Variants in SLC8A1 observed in about 807,000 individuals in gnomAD.
The protein encoded by SLC8A1 is sodium/calcium exchanger 1.
In SLC8A1, 18 loss-of-function variants were observed where a neutral mutation model predicts 68.3. The observed-to-expected ratio is 0.26, with a 90% CI of 0.18 to 0.39. The LOEUF is 0.39. Ranked by LOEUF, SLC8A1 falls within the 10% of genes least tolerant of loss-of-function variation. The pLI is 1.00. For missense variants in SLC8A1, 985 were observed against 1,156.7 expected (o/e 0.85, Z 2.15); for synonymous variants, 475 against 415.5 (o/e 1.14, Z -1.74).
chr2:40,380,837 A>T (rs990382834), intron 2 of SLC8A1, among the ~76,000 whole-genome samples: 11 of 152,126 alleles, frequency 7.2e-5, no homozygotes, highest in African/African-American at 2.7e-4. Flanking sequence ...GAGGGTTACC[A>T]GGTGTCCTAC....
intron 2 of SLC8A1, among the ~76,000 whole-genome samples, chr2:40,247,453 T>G (rs1574655771): frequency 9.5e-6 from 1 of 105,456 alleles, no homozygotes; most frequent in Non-Finnish European, 1.9e-5. Context: ...TGTGTGTGTG[T>G]GTGGAGAGAG....
intron 2 of SLC8A1, among the ~76,000 whole-genome samples, chr2:40,191,848 C>G (rs1334490912): frequency 6.6e-6 from 1 of 152,112 alleles, no homozygotes; most frequent in Non-Finnish European, 1.5e-5. Flanking sequence ...GCTTTTGACC[C>G]AGACATAATC....
rs1168882981 is a variant in SLC8A1 at position 40,145,608 on chromosome 2, C to G, written c.2162-5932G>C. 3.3e-5 allele frequency among the ~76,000 whole-genome samples: 5 copies of G among 152,124 alleles called. No individual in the cohort carries two copies. The East Asian group carries it at 9.6e-4, about 29-fold the overall frequency. On this transcript the variant is annotated intron_variant, in intron 6 of 7. Coordinates refer to ENST00000406785, the Ensembl canonical transcript of SLC8A1. ...TCTCCTGTTACATATTTCTGTTTCT[C>G]TTTTCTTTAAAGGTTCTGAGAGAAT...
At chr2:40,507,288 A>G (rs185185514) in intron 1 of SLC8A1, among the ~76,000 whole-genome samples, 19 of 152,094 alleles carry the variant, frequency 1.2e-4, no homozygotes, top group Non-Finnish European at 2.1e-4. Flanking sequence ...GTTGATCGAA[A>G]CATGATTAAT....
Position 40,375,859 on chromosome 2 carries a change from G to A in SLC8A1, c.1808+52614C>T, listed in dbSNP as rs548838901. On this transcript the variant is annotated intron_variant, in intron 2 of 7. Transcript: ENST00000406785. ...CTCTATAAAAATACAAAAATTAGCT[G>A]GGCGCAGTGGTGCACACCTGTAGTT... 2.7e-3 allele frequency among the ~76,000 whole-genome samples: 405 copies of A among 152,112 alleles called. 2 individuals carry two copies. Among genetic ancestry groups the A allele is most frequent in the Non-Finnish European group, 3.3e-3 (226 of 67,984 alleles).
At chr2:40,220,031 T>G (rs536628321) in intron 2 of SLC8A1, 24 of 152,232 alleles carry the variant, frequency 1.6e-4, no homozygotes, top group African/African-American at 5.3e-4. Context: ...TAATTTTTTA[T>G]CTCAGGCCAA....
At chr2:40,274,906 T>A (rs1490690819) in intron 2 of SLC8A1, among the ~76,000 whole-genome samples, 1 of 152,204 alleles carries the variant, frequency 6.6e-6, no homozygotes. Context: ...ATCCTTTATA[T>A]TAAATGGAAG....
At chr2:40,429,438 G>T (rs1299570518) in exon 2 of SLC8A1, 3 of 1,613,738 alleles carry the variant, frequency 1.9e-6, no homozygotes, top group Non-Finnish European at 2.5e-6. Flanking sequence ...AAGATGGCCT[G>T]TCTCCTTCAT....
At chr2:40,474,261 A>T (rs1704152678) in intron 1 of SLC8A1, among the ~76,000 whole-genome samples, 1 of 152,168 alleles carries the variant, frequency 6.6e-6, no homozygotes, top group Admixed American at 6.5e-5. Flanking sequence ...TTCCCTGTGA[A>T]TACTAATTTT....
chr2:40,192,461 TG>T (rs1378346528), intron 2 of SLC8A1, among the ~76,000 whole-genome samples: 3 of 152,108 alleles, frequency 2.0e-5, no homozygotes, highest in African/African-American at 7.2e-5. Context: ...TAAATATTTA[TG>T]ACAATTTCTT....
chr2:40,386,836 T>A (rs984550705), intron 2 of SLC8A1, among the ~76,000 whole-genome samples: 2 of 151,098 alleles, frequency 1.3e-5, no homozygotes, highest in Non-Finnish European at 2.9e-5. Flanking sequence ...TTGACATAAA[T>A]AATGTATCCC....
intron 5 of SLC8A1, among the ~76,000 whole-genome samples, chr2:40,161,517 G>A (rs1219396688): frequency 1.3e-5 from 2 of 152,078 alleles, no homozygotes; most frequent in East Asian, 3.9e-4. Context: ...AGTTTACCTT[G>A]CCCTAAATCT....
exon 8 of SLC8A1, chr2:40,104,698 C>T (rs932380570): frequency 6.6e-6 from 1 of 151,982 alleles, no homozygotes. Context: ...ATTTAGGGTA[C>T]CTAATATAAT....
chr2:40,482,862 CTCACTGCAAG>C (rs1208304033), intron 1 of SLC8A1, among the ~76,000 whole-genome samples: 1 of 148,612 alleles, frequency 6.7e-6, no homozygotes, highest in African/African-American at 2.5e-5. Context: ...GCGATCTCGG[CTCACTGCAAG>C]CTCCGCCTCC....
At chr2:40,442,907 T>A (rs188611570) in intron 1 of SLC8A1, among the ~76,000 whole-genome samples, 212 of 152,244 alleles carry the variant, frequency 1.4e-3, no homozygotes, top group African/African-American at 4.9e-3. Context: ...ATAGACACCA[T>A]GGAATACTAT....
chr2:40,183,409 G>A (rs778928809), intron 2 of SLC8A1, among the ~76,000 whole-genome samples: 8 of 152,216 alleles, frequency 5.3e-5, no homozygotes, highest in African/African-American at 9.7e-5. Flanking sequence ...TGCAGCACAC[G>A]TTATATTCCA....
At chr2:40,374,671 C>A (rs1011743731) in intron 2 of SLC8A1, among the ~76,000 whole-genome samples, 1 of 151,848 alleles carries the variant, frequency 6.6e-6, no homozygotes. Flanking sequence ...AGAATAAGAA[C>A]AATAACTTTC....
At chr2:40,205,404 G>A (rs1344380911) in intron 2 of SLC8A1, among the ~76,000 whole-genome samples, 2 of 152,036 alleles carry the variant, frequency 1.3e-5, no homozygotes, top group Non-Finnish European at 2.9e-5. Flanking sequence ...GCTTGAGTTT[G>A]AAAGTCTTCT....
At chr2:40,213,308 C>T (rs2056929560) in intron 2 of SLC8A1, 1 of 152,128 alleles carries the variant, frequency 6.6e-6, no homozygotes, top group South Asian at 2.1e-4. Flanking sequence ...AGGGAAATAG[C>T]CTTTTCTAGA....
Sources: gnomAD v4.1 joint callset for allele counts (sites outside exome capture counted in the v4.1 genomes callset) on GRCh38, gnomAD v4.1.1 for gene constraint, MANE v1.5 for transcripts, NCBI Gene and HGNC (gene_info 2026-07-23, HGNC 2026-07-21) for gene names.